The following ASXL3 variants were observed in gnomAD, a reference collection of about 807,000 sequenced individuals.
ASXL3 encodes the protein putative Polycomb group protein ASXL3.
A neutral mutation model predicts 170.6 loss-of-function variants in ASXL3; 34 were observed. That is an observed-to-expected ratio of 0.20 (90% CI 0.15 to 0.27). ASXL3 has a LOEUF of 0.27. Among genes scored for constraint, ASXL3 ranks in the 10% least tolerant of loss-of-function variants. ASXL3 has a pLI of 1.00. For missense variants in ASXL3, 2,592 were observed against 2,695.3 expected, an observed-to-expected ratio of 0.96 and a Z score of 0.85; for synonymous variants, 1,002 against 989.1, an observed-to-expected ratio of 1.01 and a Z score of -0.24.
intron 8 of ASXL3, among the ~76,000 whole-genome samples, chr18:33,698,115 G>T (rs139159953): frequency 6.6e-6 from 1 of 152,112 alleles, no homozygotes; most frequent in African/African-American, 2.4e-5. Context: ...ATCAAGAGAT[G>T]TGGGGCCTTT....
In ASXL3 at chr18:33,745,855, G is replaced by A; in HGVS notation, c.6007G>A (p.Gly2003Arg). Residue 2003 changes from glycine to arginine, a missense_variant, in exon 12 of 12, where the codon GGA (glycine) becomes AGA (arginine). Gly to Arg is a moderately radical substitution (Grantham distance 125, BLOSUM62 -2). Coordinates refer to ENST00000269197, the MANE Select transcript of ASXL3 (RefSeq NM_030632.3). ...NMPMKEGDEV[G>R]GTAHTMPNKA... Reference sequence around the variant, plus strand: ...GCCCATGAAAGAAGGTGATGAGGTGGGAGGCACTGCACACACAATGCCAAA... The same window carrying A: ...GCCCATGAAAGAAGGTGATGAGGTGAGAGGCACTGCACACACAATGCCAAA... The A allele has an allele frequency of 6.2e-7, 1 of 1,613,866 alleles. No individual in the cohort carries two copies. Among genetic ancestry groups the A allele is most frequent in the Non-Finnish European group, 8.5e-7 (1 of 1,179,884 alleles).
chr18:33,629,173 C>G (rs957535457), intron 2 of ASXL3, among the ~76,000 whole-genome samples: 1 of 152,106 alleles, frequency 6.6e-6, no homozygotes, highest in African/African-American at 2.4e-5. Flanking sequence ...TATCTACTAT[C>G]AACTCCTGAA....
intron 8 of ASXL3, among the ~76,000 whole-genome samples, chr18:33,708,118 C>T (rs778901613): frequency 3.9e-5 from 6 of 152,024 alleles, no homozygotes; most frequent in Non-Finnish European, 8.8e-5. Context: ...TTTGGTAATA[C>T]AAGTAATGAT....
intron 5 of ASXL3, among the ~76,000 whole-genome samples, chr18:33,668,877 T>TA (rs2066298824): frequency 6.8e-6 from 1 of 147,194 alleles, no homozygotes; most frequent in African/African-American, 2.5e-5. Context: ...AAATATTTTC[T>TA]AAAATAAACT....
Position 33,743,352 on chromosome 18 carries a change from T to C in ASXL3, c.3504T>C (p.Pro1168=). 6.2e-7 allele frequency: 1 copy of C among 1,613,560 alleles called. No homozygotes were observed. Among genetic ancestry groups the C allele is most frequent in the Non-Finnish European group, 8.5e-7 (1 of 1,179,778 alleles). ...VIIVNPNCRS[P]SNKSAHLRET... is the part of the protein sequence containing the mutation. ...TTGTCAATCCAAACTGTAGATCTCCTAGCAACAAGTCTGCCCACCTCCGGG... is the reference window on the plus strand; with the variant it reads ...TTGTCAATCCAAACTGTAGATCTCCCAGCAACAAGTCTGCCCACCTCCGGG... The change falls in exon 12 of 12, where the codon CCT becomes CCC. Residue 1168 remains proline (P), a synonymous_variant. Transcript: ENST00000269197.
At position 33,738,997 on chromosome 18, in the gene ASXL3, A is replaced by G. The variant is rs1346524570; in HGVS notation, c.1593A>G (p.Thr531=). 1 of 1,613,798 alleles carries G rather than the reference A, an allele frequency of 6.2e-7. No individual in the cohort carries two copies. ...CAGAATCACCCCAGGAAGAAATGAC[A>G]GTTGTTATCGATCAGTTAGAAGTCT... ...GKSESPQEEM[T]VVIDQLEVCD... is the part of the protein sequence containing the mutation. The change falls in exon 11 of 12, where the codon ACA becomes ACG. Residue 531 remains threonine (T), a synonymous_variant. Coordinates refer to ENST00000269197, the MANE Select transcript of ASXL3 (RefSeq NM_030632.3).
At chr18:33,685,508 G>A (rs1297968135) in intron 8 of ASXL3, among the ~76,000 whole-genome samples, 1 of 152,180 alleles carries the variant, frequency 6.6e-6, no homozygotes, top group Non-Finnish European at 1.5e-5. Flanking sequence ...CAACACAGGT[G>A]TAGTTTATCT....
intron 1 of ASXL3, among the ~76,000 whole-genome samples, chr18:33,595,124 C>G (rs1382180394): frequency 6.6e-6 from 1 of 152,026 alleles, no homozygotes; most frequent in African/African-American, 2.4e-5. Flanking sequence ...TTTTTGAAGC[C>G]TTGGAATCAG....
chr18:33,635,846 A>G (rs1186201629), intron 2 of ASXL3, among the ~76,000 whole-genome samples: 1 of 152,222 alleles, frequency 6.6e-6, no homozygotes, highest in Non-Finnish European at 1.5e-5. Flanking sequence ...TTTTATGTCT[A>G]CACATCCATG....
chr18:33,698,312 G>T lies in ASXL3; in HGVS notation c.879+14744G>T, dbSNP rs2066809603. On this transcript the variant is annotated intron_variant, in intron 8 of 11. Coordinates refer to ENST00000269197, the MANE Select transcript of ASXL3 (RefSeq NM_030632.3). ...CACCTCTACTGGTGCCTTGATCTTG[G>T]ATCTCACAGCCCCTAGAACTGTGAC... 2.0e-5 allele frequency among the ~76,000 whole-genome samples: 3 copies of T among 152,096 alleles called. 1 individual carries two copies. The highest frequency in any genetic ancestry group is 2.0e-4 in the Admixed American group (3 of 15,246).
At chr18:33,586,268 T>C (rs2065033430) in intron 1 of ASXL3, among the ~76,000 whole-genome samples, 1 of 152,130 alleles carries the variant, frequency 6.6e-6, no homozygotes, top group Non-Finnish European at 1.5e-5. Context: ...CAAATCCTTG[T>C]TGACATAGCC....
In ASXL3 at chr18:33,602,419, G is replaced by A. The variant is rs181916924; in HGVS notation, c.55-5175G>A. ...GTGAAGAACAACCTGATTGAGCTGT[G>A]AATACTGGGTATTTGCTGAGGTGCT... On this transcript the variant is annotated intron_variant, in intron 1 of 11. Coordinates refer to ENST00000269197, the MANE Select transcript of ASXL3 (RefSeq NM_030632.3). Among the ~76,000 whole-genome samples the A allele has an allele frequency of 6.6e-5, 10 of 152,180 alleles. No individual in the cohort carries two copies. The East Asian group carries it at 1.9e-3, about 29-fold the overall frequency.
chr18:33,606,256 C>A (rs1313680128), intron 1 of ASXL3, among the ~76,000 whole-genome samples: 1 of 151,986 alleles, frequency 6.6e-6, no homozygotes, highest in African/African-American at 2.4e-5. Context: ...GACCATTTTC[C>A]TTCCTTCCCG....
chr18:33,632,230 A>G (rs1426473276), intron 2 of ASXL3, among the ~76,000 whole-genome samples: 1 of 152,122 alleles, frequency 6.6e-6, no homozygotes, highest in African/African-American at 2.4e-5. Context: ...TCATATTATA[A>G]TAAAATTCTT....
At chr18:33,702,245 C>G (rs2066885350) in intron 8 of ASXL3, among the ~76,000 whole-genome samples, 2 of 152,086 alleles carry the variant, frequency 1.3e-5, no homozygotes, top group African/African-American at 4.8e-5. Context: ...GTTTTCTAGA[C>G]TGTCATTCTT....
chr18:33,695,201 A>T, intron 8 of ASXL3, among the ~76,000 whole-genome samples: 1 of 152,292 alleles, frequency 6.6e-6, no homozygotes, highest in Middle Eastern at 3.4e-3. Context: ...TAAATATATG[A>T]AAAATACTAG....
rs769537271 is a variant in ASXL3, at chr18:33,747,118, C to G, written c.*523C>G. The G allele has an allele frequency of 1.3e-5, 2 of 152,368 alleles. No individual in the cohort carries two copies. The highest frequency in any genetic ancestry group is 6.5e-5 in the Admixed American group (1 of 15,288). The allele number at this position is 152,368 out of a possible 1,614,324, so 9.4% of individuals were successfully genotyped here. On this transcript the variant is annotated 3_prime_UTR_variant, in exon 12 of 12. Coordinates refer to ENST00000269197, the MANE Select transcript of ASXL3 (RefSeq NM_030632.3). ...AATGTGTGATTCCTTGTATTTGCTC[C>G]TATCACAAAAGATATATTAAAGGAG...
intron 2 of ASXL3, among the ~76,000 whole-genome samples, chr18:33,618,433 A>C (rs779588226): frequency 3.3e-5 from 5 of 152,090 alleles, no homozygotes; most frequent in Non-Finnish European, 5.9e-5. Context: ...TTAGTTGTCA[A>C]ATTAGAGGAA....
At chr18:33,730,575 AT>A (rs1464738738) in intron 8 of ASXL3, among the ~76,000 whole-genome samples, 5 of 152,056 alleles carry the variant, frequency 3.3e-5, no homozygotes, top group Non-Finnish European at 7.3e-5. Flanking sequence ...ATTCATTCAT[AT>A]ATCAGGGCTT....
Sources: allele counts gnomAD v4.1 joint callset (sites outside exome capture counted in the v4.1 genomes callset), GRCh38; gene constraint gnomAD v4.1.1; transcripts MANE v1.5; gene names NCBI Gene and HGNC (gene_info 2026-07-23, HGNC 2026-07-21).